The following CHCHD6 variants were observed in gnomAD, a reference collection of about 807,000 sequenced individuals.
CHCHD6 encodes the protein MICOS complex subunit MIC25.
CHCHD6 carries 28 observed loss-of-function variants against 32.3 expected under a neutral mutation model. The ratio of observed to expected loss-of-function variants is 0.87; its 90% CI spans 0.64 to 1.19. CHCHD6 has a LOEUF of 1.19. CHCHD6 is among the 50% of genes most tolerant of loss of function. The pLI is 0.00. For synonymous variants in CHCHD6, 122 were observed against 117.5 expected, an observed-to-expected ratio of 1.04 and a Z score of -0.25; for missense variants, 333 against 307.0, an observed-to-expected ratio of 1.08 and a Z score of -0.63.
At chr3:126,811,104 A>G (rs1251854686) in intron 4 of CHCHD6, among the ~76,000 whole-genome samples, 2 of 152,296 alleles carry the variant, frequency 1.3e-5, no homozygotes, top group African/African-American at 4.8e-5. Flanking sequence ...GGAAAAGTGC[A>G]ATTTTTACTG....
At chr3:126,870,140 T>G (rs1430316608) in intron 5 of CHCHD6, among the ~76,000 whole-genome samples, 3 of 152,204 alleles carry the variant, frequency 2.0e-5, no homozygotes, top group Non-Finnish European at 2.9e-5. Flanking sequence ...TAATGGACCT[T>G]ACTGGAGTGT....
intron 5 of CHCHD6, among the ~76,000 whole-genome samples, chr3:126,893,142 A>G (rs2077789112): frequency 6.6e-6 from 1 of 151,742 alleles, no homozygotes; most frequent in Non-Finnish European, 1.5e-5. Context: ...CTAATTTTGT[A>G]TTTTTAGTAG....
intron 4 of CHCHD6, among the ~76,000 whole-genome samples, chr3:126,851,205 C>A (rs1353219333): frequency 1.3e-5 from 2 of 152,214 alleles, no homozygotes; most frequent in African/African-American, 4.8e-5. Context: ...CACTCAGGGG[C>A]ACTAGTGAGT....
At chr3:126,803,611 T>A (rs900797703) in intron 4 of CHCHD6, among the ~76,000 whole-genome samples, 1 of 152,134 alleles carries the variant, frequency 6.6e-6, no homozygotes, top group African/African-American at 2.4e-5. Flanking sequence ...CACACAATAA[T>A]AATGGGAGAC....
At chr3:126,708,087 G>C (rs909505707) in intron 1 of CHCHD6, among the ~76,000 whole-genome samples, 1 of 152,246 alleles carries the variant, frequency 6.6e-6, no homozygotes, top group Non-Finnish European at 1.5e-5. Context: ...GCCTGCTTGA[G>C]GTGGGATGGT....
intron 5 of CHCHD6, among the ~76,000 whole-genome samples, chr3:126,856,912 T>C (rs1230948772): frequency 6.6e-6 from 1 of 152,198 alleles, no homozygotes; most frequent in African/African-American, 2.4e-5. Context: ...CTAGCCTCAG[T>C]TTCCTTATCT....
At chr3:126,793,594 T>C (rs1197492583) in intron 4 of CHCHD6, among the ~76,000 whole-genome samples, 2 of 152,200 alleles carry the variant, frequency 1.3e-5, no homozygotes. Flanking sequence ...AATTTTTTGC[T>C]TTCAAATGTC....
chr3:126,756,354 A>G (rs1006268292), intron 4 of CHCHD6, among the ~76,000 whole-genome samples: 2 of 152,210 alleles, frequency 1.3e-5, no homozygotes, highest in African/African-American at 2.4e-5. Flanking sequence ...TGTCTCCAAT[A>G]GAGCTGCCTG....
chr3:126,949,375 T>C, intron 6 of CHCHD6: 1 of 231,844 alleles, frequency 4.3e-6, no homozygotes. Context: ...CACAGACACC[T>C]GCCATGGACG....
At chr3:126,814,705 A>G (rs530835881) in intron 4 of CHCHD6, among the ~76,000 whole-genome samples, 68 of 152,206 alleles carry the variant, frequency 4.5e-4, no homozygotes, top group African/African-American at 1.5e-3. Flanking sequence ...GCTTTTTTTC[A>G]TCTGTGTCCC....
At chr3:126,832,219 TGTAA>T (rs1216088467) in intron 4 of CHCHD6, among the ~76,000 whole-genome samples, 1 of 152,206 alleles carries the variant, frequency 6.6e-6, no homozygotes, top group African/African-American at 2.4e-5. Flanking sequence ...TCTCTCTGGC[TGTAA>T]GTATCTAATG....
At chr3:126,797,287 TAGTG>T (rs1417331452) in intron 4 of CHCHD6, among the ~76,000 whole-genome samples, 1 of 152,072 alleles carries the variant, frequency 6.6e-6, no homozygotes, top group Non-Finnish European at 1.5e-5. Context: ...TAAGGAGAGA[TAGTG>T]AGGATTGTTG....
intron 5 of CHCHD6, among the ~76,000 whole-genome samples, chr3:126,866,954 T>G (rs1260167535): frequency 6.6e-6 from 1 of 152,198 alleles, no homozygotes; most frequent in Non-Finnish European, 1.5e-5. Flanking sequence ...TTTTGGGGTT[T>G]TTTGTTTGTT....
At chr3:126,901,306 G>A (rs6785036) in intron 5 of CHCHD6, among the ~76,000 whole-genome samples, 8,576 of 152,186 alleles carry the variant, frequency 0.056, 305 homozygotes, top group East Asian at 0.16. Context: ...GACGGGAGGC[G>A]CTGTCTGTGT....
chr3:126,802,616 T>C (rs1431741434), intron 4 of CHCHD6, among the ~76,000 whole-genome samples: 3 of 152,118 alleles, frequency 2.0e-5, no homozygotes, highest in Non-Finnish European at 4.4e-5. Flanking sequence ...ACGGGGAGAA[T>C]GGAACCAAGT....
chr3:126,706,763 G>A (rs1398679123), intron 1 of CHCHD6, among the ~76,000 whole-genome samples: 2 of 152,066 alleles, frequency 1.3e-5, no homozygotes, highest in African/African-American at 2.4e-5. Context: ...TGAGGGTTGA[G>A]GAATTCACCT....
intron 6 of CHCHD6, among the ~76,000 whole-genome samples, chr3:126,930,096 A>G (rs1331010308): frequency 6.6e-6 from 1 of 152,126 alleles, no homozygotes; most frequent in Non-Finnish European, 1.5e-5. Flanking sequence ...AAGTGTCTGG[A>G]GCTGTCAGGC....
At chr3:126,736,491 T>G (rs1936048733) in intron 4 of CHCHD6, among the ~76,000 whole-genome samples, 1 of 152,224 alleles carries the variant, frequency 6.6e-6, no homozygotes, top group Admixed American at 6.5e-5. Context: ...TAATATGTAA[T>G]GTGCTCTTCC....
chr3:126,749,747 C>T (rs180859234), intron 4 of CHCHD6, among the ~76,000 whole-genome samples: 2 of 152,194 alleles, frequency 1.3e-5, no homozygotes, highest in African/African-American at 4.8e-5. Flanking sequence ...CCGTTTGGCT[C>T]TTTTATGGGC....
Sources: allele counts gnomAD v4.1 joint callset (sites outside exome capture counted in the v4.1 genomes callset), GRCh38; gene constraint gnomAD v4.1.1; transcripts MANE v1.5; gene names NCBI Gene and HGNC (gene_info 2026-07-23, HGNC 2026-07-21).